BRCA1: variants seen among roughly 807,000 people sequenced by gnomAD.
BRCA1 encodes BRCA1 DNA repair associated, also known as breast cancer type 1 susceptibility protein.
BRCA1 carries 140 observed loss-of-function variants against 173.7 expected under a neutral mutation model. That is an observed-to-expected ratio of 0.81 (90% CI 0.70 to 0.93). The LOEUF (loss-of-function observed/expected upper bound fraction) is 0.93, where lower values mean the gene tolerates loss of function less well. Among genes scored for constraint, BRCA1 ranks in the 40% least tolerant of loss-of-function variants. The probability of loss-of-function intolerance (pLI) is 0.00; values close to 1 mark genes in which losing one functional copy is unlikely to be tolerated. For missense variants in BRCA1, 1,983 were observed against 2,172.5 expected, an observed-to-expected ratio of 0.91 and a Z score of 1.73; for synonymous variants, 662 against 756.0, an observed-to-expected ratio of 0.88 and a Z score of 2.04.
In BRCA1 at chr17:43,092,863, C is replaced by G. The variant is rs80357200; in HGVS notation, c.2668G>C (p.Gly890Arg). ...EECATFSAHS[G>R]SLKKQSPKVT... ...TTTGGACTTTGTTTCTTTAAGGACC[C>G]AGAGTGGGCAGAGAATGTTGCACAT... The change falls in exon 10 of 23, where the codon GGG (glycine) becomes CGG (arginine). Residue 890 changes from glycine to arginine, a missense_variant. Transcript: ENST00000357654. 1 of 1,613,960 alleles carries G rather than the reference C, an allele frequency of 6.2e-7. No homozygotes were observed. Among genetic ancestry groups the G allele is most frequent in the Non-Finnish European group, 8.5e-7 (1 of 1,179,996 alleles).
intron 18 of BRCA1, among the ~76,000 whole-genome samples, chr17:43,060,632 A>T (rs1353419370): frequency 6.6e-6 from 1 of 150,818 alleles, no homozygotes; most frequent in Non-Finnish European, 1.5e-5. Context: ...CTGGGATTAC[A>T]GGCACTGGGA....
intron 15 of BRCA1, among the ~76,000 whole-genome samples, chr17:43,068,618 G>A (rs760508069): frequency 1.3e-5 from 2 of 151,664 alleles, no homozygotes; most frequent in Admixed American, 6.6e-5. Context: ...GATATCATTC[G>A]ATTCCCTAAG....
intron 19 of BRCA1, among the ~76,000 whole-genome samples, chr17:43,054,591 T>G (rs1220444300): frequency 1.3e-5 from 2 of 152,054 alleles, no homozygotes; most frequent in Non-Finnish European, 2.9e-5. Flanking sequence ...AAGAGTGTGC[T>G]ACGACACCCA....
chr17:43,045,923 T>A lies in BRCA1; in HGVS notation c.5468-121A>T. 1.1e-5 allele frequency: 3 copies of A among 263,786 alleles called. No individual in the cohort carries two copies. The South Asian group carries it at 3.3e-4, about 29-fold the overall frequency. 16.3% of individuals were successfully genotyped at this position (263,786 alleles called of 1,614,324 possible). ...TTAGGATTAATGAGGTAGAAGCTAA[T>A]TTTTTTTTTTTTTTTTTGAGACGGA... On this transcript the variant is annotated intron_variant, in intron 22 of 22. Transcript: ENST00000357654.
intron 11 of BRCA1, among the ~76,000 whole-genome samples, chr17:43,083,758 T>C (rs1370132715): frequency 6.6e-6 from 1 of 152,232 alleles, no homozygotes; most frequent in East Asian, 1.9e-4. Context: ...GCTCCTGTTG[T>C]TTATTGGTCC....
chr17:43,051,209 C>T (rs944082151), intron 19 of BRCA1, 92 bp from the exon 20 acceptor site: 2 of 1,246,538 alleles, frequency 1.6e-6, no homozygotes, highest in Non-Finnish European at 2.3e-6. Context: ...AAAAAACAGA[C>T]TTTCAAAAAG....
Position 43,070,943 on chromosome 17 carries a change from C to G in BRCA1, c.4971G>C (p.Leu1657=), listed in dbSNP as rs786202058. ...NKRMSMVVSG[L]TPEEFMLVYK... ...ATACACTCACAAATTCTTCTGGGGT[C>G]AGGCCAGACACCACCATGGACATTC... The change falls in exon 15 of 23, where the codon CTG becomes CTC. Residue 1657 remains leucine, a synonymous_variant. Transcript: ENST00000357654. The G allele has an allele frequency of 6.2e-7, 1 of 1,614,174 alleles. No homozygotes were observed. The highest frequency in any genetic ancestry group is 1.3e-5 in the African/African-American group (1 of 75,056).
At chr17:43,131,171 A>G (rs2055961721) in intron 1 of BRCA1, 1 of 241,618 alleles carries the variant, frequency 4.1e-6, no homozygotes, top group Non-Finnish European at 9.6e-6. Flanking sequence ...TTCTATGTAC[A>G]TTATAACCTG....
rs80358067 is a variant in BRCA1 at position 43,071,254 on chromosome 17, G to C, written c.4676-16C>G. ...GGGGTTCCCTCTGAAAGGAATGGGA[G>C]AAGTTTAATTTACACAACGATGAAT... is the stretch of plus-strand genomic sequence containing the variant. On this transcript the variant is annotated splice_polypyrimidine_tract_variant and intron_variant, in intron 14 of 22. Coordinates refer to ENST00000357654, the MANE Select transcript of BRCA1 (RefSeq NM_007294.4). The C allele has an allele frequency of 1.4e-5, 22 of 1,611,450 alleles. No individual in the cohort carries two copies. The highest frequency in any genetic ancestry group is 1.8e-5 in the Non-Finnish European group (21 of 1,177,940).
intron 1 of BRCA1, among the ~76,000 whole-genome samples, chr17:43,157,976 C>G (rs1021556424): frequency 4.3e-5 from 5 of 116,690 alleles, no homozygotes; most frequent in African/African-American, 1.7e-4. Context: ...GCCTGGGCAA[C>G]AAGAGCGAAA....
intron 3 of BRCA1, among the ~76,000 whole-genome samples, chr17:43,112,307 C>G (rs138794811): frequency 7.2e-5 from 11 of 152,206 alleles, no homozygotes; most frequent in African/African-American, 2.6e-4. Context: ...AGGCTGGTCT[C>G]GAACTCCTGA....
chr17:43,127,862 A>G (rs2055927021), upstream of BRCA1, among the ~76,000 whole-genome samples: 11 of 144,692 alleles, frequency 7.6e-5, no homozygotes, highest in Admixed American at 6.0e-4. Context: ...GACTCTACTA[A>G]AAAGACAAAA....
intron 2 of BRCA1, among the ~76,000 whole-genome samples, chr17:43,122,573 T>A (rs952659296): frequency 4.6e-5 from 7 of 152,084 alleles, no homozygotes; most frequent in African/African-American, 1.7e-4. Flanking sequence ...TAATTTTAAA[T>A]AGGGGTGTCT....
chr17:43,077,504 T>A (rs2052791111), intron 12 of BRCA1, among the ~76,000 whole-genome samples: 1 of 151,494 alleles, frequency 6.6e-6, no homozygotes, highest in Non-Finnish European at 1.5e-5. Context: ...CTAGTTTTTT[T>A]GGTATTTTTA....
chr17:43,057,441 G>T (rs1026742382), intron 18 of BRCA1, among the ~76,000 whole-genome samples: 1 of 151,838 alleles, frequency 6.6e-6, no homozygotes, highest in Non-Finnish European at 1.5e-5. Context: ...AATGCAGGAG[G>T]TGGAGGTTGC....
chr17:43,106,963 T>G (rs2054818563), intron 3 of BRCA1, among the ~76,000 whole-genome samples: 1 of 151,766 alleles, frequency 6.6e-6, no homozygotes, highest in South Asian at 2.1e-4. Context: ...AGCATAAGAA[T>G]AGACACATAC....
At chr17:43,154,048 G>A (rs1416662935) in intron 1 of BRCA1, among the ~76,000 whole-genome samples, 9 of 151,428 alleles carry the variant, frequency 5.9e-5, no homozygotes, top group South Asian at 2.1e-4. Flanking sequence ...TTAGCCAGGC[G>A]TGGTGTCCCA....
At chr17:43,053,210 C>T (rs1274842749) in intron 19 of BRCA1, among the ~76,000 whole-genome samples, 1 of 152,038 alleles carries the variant, frequency 6.6e-6, no homozygotes, top group African/African-American at 2.4e-5. Flanking sequence ...TAAACCGCAC[C>T]CCCAACCTGT....
At chr17:43,076,355 C>G in intron 13 of BRCA1, 133 bp downstream of exon 13, 1 of 1,080,096 alleles carries the variant, frequency 9.3e-7, no homozygotes, top group Non-Finnish European at 1.4e-6. Flanking sequence ...AAGAAGTATC[C>G]TAGAGCAATA....
Sources: gnomAD v4.1 joint callset for allele counts (sites outside exome capture counted in the v4.1 genomes callset) on GRCh38, gnomAD v4.1.1 for gene constraint, MANE v1.5 for transcripts, NCBI Gene and HGNC (gene_info 2026-07-23, HGNC 2026-07-21) for gene names.